Variants in ZNF618 observed in about 807,000 individuals in gnomAD.
The protein encoded by ZNF618 is neural precursor cell expressed, developmentally down-regulated 10.
Under a neutral mutation model 103.0 loss-of-function variants are expected in ZNF618, and 34 were observed. The observed-to-expected ratio is 0.33, with a 90% CI of 0.25 to 0.44. ZNF618 has a LOEUF of 0.44. Ranked by LOEUF, ZNF618 falls within the 20% of genes least tolerant of loss-of-function variation. The probability of loss-of-function intolerance (pLI) is 1.00; values close to 1 mark genes in which losing one functional copy is unlikely to be tolerated. For missense variants in ZNF618, 1,059 were observed against 1,295.4 expected (o/e 0.82, Z 2.80); for synonymous variants, 551 against 542.2 (o/e 1.02, Z -0.23).
At chr9:113,998,387 G>A (rs556869197) in intron 4 of ZNF618, 33 bp downstream of exon 4, 59 of 1,534,220 alleles carry the variant, frequency 3.8e-5, no homozygotes, top group Middle Eastern at 3.9e-4. Context: ...TGCCTGATCC[G>A]GGGCCAGTAT....
At chr9:113,943,374 G>A (rs1253383561) in intron 1 of ZNF618, among the ~76,000 whole-genome samples, 1 of 152,158 alleles carries the variant, frequency 6.6e-6, no homozygotes, top group East Asian at 1.9e-4. Flanking sequence ...AGAGTGCTGG[G>A]CAGCAGTGAC....
chr9:113,958,633 C>T (rs981433000), intron 1 of ZNF618, among the ~76,000 whole-genome samples: 13 of 152,198 alleles, frequency 8.5e-5, no homozygotes, highest in African/African-American at 2.9e-4. Context: ...ATGCATCCAG[C>T]GTCCCATTCA....
chr9:113,910,602 T>G (rs1393014955), intron 1 of ZNF618, among the ~76,000 whole-genome samples: 1 of 152,198 alleles, frequency 6.6e-6, no homozygotes, highest in Non-Finnish European at 1.5e-5. Context: ...TGTTTCCTCT[T>G]CCACCATTAC....
At chr9:113,953,101 C>T (rs557666740) in intron 1 of ZNF618, among the ~76,000 whole-genome samples, 3 of 152,172 alleles carry the variant, frequency 2.0e-5, no homozygotes, top group Non-Finnish European at 4.4e-5. Flanking sequence ...AAAAGGCAAT[C>T]GGCTTAAAGA....
intron 1 of ZNF618, among the ~76,000 whole-genome samples, chr9:113,882,760 A>G (rs1828649805): frequency 6.6e-6 from 1 of 152,158 alleles, no homozygotes; most frequent in African/African-American, 2.4e-5. Context: ...GTGGACCTGT[A>G]TGTCTTTGAG....
chr9:113,977,943 G>A (rs371639619), intron 2 of ZNF618, among the ~76,000 whole-genome samples: 3 of 152,096 alleles, frequency 2.0e-5, no homozygotes, highest in Non-Finnish European at 2.9e-5. Flanking sequence ...ATTACCTAAC[G>A]TTGTGGCTGA....
intron 1 of ZNF618, among the ~76,000 whole-genome samples, chr9:113,917,704 C>A (rs1381718803): frequency 1.3e-5 from 2 of 152,120 alleles, no homozygotes; most frequent in African/African-American, 4.8e-5. Context: ...TATCTTCCCA[C>A]CTCTCTTTCC....
chr9:114,032,104 G>C (rs1844111827), intron 11 of ZNF618, among the ~76,000 whole-genome samples: 1 of 152,156 alleles, frequency 6.6e-6, no homozygotes. Flanking sequence ...ACTTTGCCTG[G>C]GTTTGGCCTC....
chr9:113,904,437 A>T (rs1464781897), intron 1 of ZNF618, among the ~76,000 whole-genome samples: 9 of 152,080 alleles, frequency 5.9e-5, no homozygotes, highest in Admixed American at 5.9e-4. Flanking sequence ...TTTCATGCCT[A>T]GCAATTTTTG....
intron 1 of ZNF618, among the ~76,000 whole-genome samples, chr9:113,897,639 T>C (rs73552339): frequency 1.2e-3 from 179 of 152,364 alleles, no homozygotes; most frequent in African/African-American, 4.1e-3. Flanking sequence ...TTGCCTTCCG[T>C]AATTATCTTT....
intron 1 of ZNF618, among the ~76,000 whole-genome samples, chr9:113,890,271 C>G (rs1317517253): frequency 2.6e-5 from 4 of 152,182 alleles, no homozygotes; most frequent in African/African-American, 9.7e-5. Context: ...TAAAAAATCA[C>G]CTGAAATGCC....
chr9:114,048,400 G>A lies in ZNF618; in HGVS notation c.1349-251G>A, dbSNP rs146801862. On this transcript the variant is annotated intron_variant, in intron 14 of 14. Transcript: ENST00000374126. Reference sequence around the variant, plus strand: ...TTCAAAGATCTAGGGGAATGACATAGACCGCAATTATGTTGCATACATACC... The same window carrying A: ...TTCAAAGATCTAGGGGAATGACATAAACCGCAATTATGTTGCATACATACC... 9.8e-4 allele frequency among the ~76,000 whole-genome samples: 149 copies of A among 152,254 alleles called. 1 individual carries two copies. Among genetic ancestry groups the A allele is most frequent in the Middle Eastern group, 6.8e-3 (2 of 294 alleles).
At chr9:114,046,847 G>A (rs1002170732) in intron 13 of ZNF618, among the ~76,000 whole-genome samples, 1 of 152,114 alleles carries the variant, frequency 6.6e-6, no homozygotes, top group African/African-American at 2.4e-5. Context: ...ACATTTATTT[G>A]TGTATGTTTA....
intron 11 of ZNF618, 118 bp from the exon 12 acceptor site, chr9:114,032,527 C>T (rs1220628254): frequency 1.1e-6 from 1 of 892,830 alleles, no homozygotes. Flanking sequence ...TCCTGGAGCC[C>T]TCACGAGAGC....
chr9:113,926,859 A>G (rs1833142589), intron 1 of ZNF618, among the ~76,000 whole-genome samples: 1 of 152,208 alleles, frequency 6.6e-6, no homozygotes, highest in Non-Finnish European at 1.5e-5. Context: ...CAAAAAATAC[A>G]AAAATTAGCT....
At chr9:114,014,073 CAA>C (rs547143639) in intron 9 of ZNF618, among the ~76,000 whole-genome samples, 172 of 151,890 alleles carry the variant, frequency 1.1e-3, no homozygotes, top group African/African-American at 4.0e-3. Context: ...TTGTCTAAAA[CAA>C]TAGAGAAAAT....
chr9:113,916,366 C>T (rs1832078168), intron 1 of ZNF618, among the ~76,000 whole-genome samples: 1 of 152,124 alleles, frequency 6.6e-6, no homozygotes, highest in South Asian at 2.1e-4. Flanking sequence ...GCTGTTTGTG[C>T]CTTCGTGGTC....
chr9:114,016,742 T>C lies in ZNF618; in HGVS notation c.802T>C (p.Tyr268His). ...ATTCTGCGGCAAACAGTACAAGTAC[T>C]ACACTCCCTACCAGGAGCATGTGGC... ...CEFCGKQYKY[Y>H]TPYQEHVALH... The change falls in exon 10 of 15, where the codon TAC (tyrosine) becomes CAC (histidine). Residue 268 changes from tyrosine to histidine, a missense_variant. By Grantham distance (83) the Tyr-to-His change is moderately conservative. Around this residue, in one of 6 missense-constraint regions of ZNF618, gnomAD observed 434 missense variants for 476.0 expected, o/e 0.91. Transcript: ENST00000374126. 6.2e-7 allele frequency: 1 copy of C among 1,613,708 alleles called. No homozygotes were observed.
At chr9:113,924,424 CTTT>C (rs869300538) in intron 1 of ZNF618, among the ~76,000 whole-genome samples, 4 of 67,206 alleles carry the variant, frequency 6.0e-5, no homozygotes, top group African/African-American at 9.5e-5. Flanking sequence ...TCTTCTTCTT[CTTT>C]TTTTTTTTTT....
Sources: allele counts gnomAD v4.1 joint callset (sites outside exome capture counted in the v4.1 genomes callset), GRCh38; gene constraint gnomAD v4.1.1; regional missense constraint gnomAD v4.1.1; transcripts MANE v1.5; gene names NCBI Gene and HGNC (gene_info 2026-07-23, HGNC 2026-07-21).